LARP1: variants seen among roughly 807,000 people sequenced by gnomAD.
LARP1 encodes La ribonucleoprotein 1, translational regulator.
Under a neutral mutation model 122.7 loss-of-function variants are expected in LARP1, and 36 were observed. The ratio of observed to expected loss-of-function variants is 0.29; its 90% CI spans 0.22 to 0.39. The LOEUF (loss-of-function observed/expected upper bound fraction) is 0.39. Ranked by LOEUF, LARP1 falls within the 10% of genes least tolerant of loss-of-function variation. The pLI, the probability that LARP1 is intolerant of heterozygous loss-of-function variation, is 1.00. For missense variants in LARP1, 1,040 were observed against 1,403.6 expected (o/e 0.74, Z 4.14); for synonymous variants, 539 against 528.7 (o/e 1.02, Z -0.27).
intron 1 of LARP1, among the ~76,000 whole-genome samples, chr5:154,684,396 C>T (rs1753827957): frequency 6.6e-6 from 1 of 151,928 alleles, no homozygotes; most frequent in Non-Finnish European, 1.5e-5. Context: ...TGTTTGTGCC[C>T]CTATACTCTA....
chr5:154,706,298 TA>T (rs1306658173), intron 1 of LARP1, among the ~76,000 whole-genome samples: 32 of 18,520 alleles, frequency 1.7e-3, no homozygotes, highest in African/African-American at 2.6e-3. Context: ...TGTCTCAAAA[TA>T]ATAATAATAA....
At chr5:154,767,677 T>A (rs923582417) in intron 1 of LARP1, among the ~76,000 whole-genome samples, 7 of 152,258 alleles carry the variant, frequency 4.6e-5, no homozygotes, top group African/African-American at 1.7e-4. Flanking sequence ...CATGGCTTTC[T>A]GCAGCTTTGA....
chr5:154,773,511 A>G (rs1264191525), intron 1 of LARP1, among the ~76,000 whole-genome samples: 1 of 152,136 alleles, frequency 6.6e-6, no homozygotes, highest in East Asian at 1.9e-4. Context: ...AATCACATGC[A>G]CACATGTGTA....
intron 1 of LARP1, among the ~76,000 whole-genome samples, chr5:154,724,004 G>A (rs1055306121): frequency 3.9e-5 from 6 of 152,208 alleles, no homozygotes; most frequent in African/African-American, 1.4e-4. Flanking sequence ...GCCTTCATGG[G>A]TATAAGATCA....
In LARP1 at chr5:154,735,545, TTTTA is replaced by T. The variant is rs201042247; in HGVS notation, c.205+22447_205+22450del. ...ATGGTAGTTCCATTTTTATTTTTAT[TTTTA>T]TTTATTTATTTATTTATTTATTTAT... On this transcript the variant is annotated intron_variant, in intron 1 of 18. Transcript: ENST00000336314. 2.2e-3 allele frequency among the ~76,000 whole-genome samples: 315 copies of T among 143,920 alleles called. 6 individuals are homozygous for T. In the East Asian group the frequency reaches 0.042, roughly 19 times the overall value. 94.4% of individuals were successfully genotyped at this position (143,920 alleles called of 152,430 possible).
upstream of LARP1, among the ~76,000 whole-genome samples, chr5:154,711,221 A>G (rs1755203298): frequency 6.6e-6 from 1 of 151,124 alleles, no homozygotes; most frequent in Non-Finnish European, 1.5e-5. Flanking sequence ...GGCTCACTGC[A>G]ACCTCCAGCT....
At position 154,803,351 on chromosome 5, in the gene LARP1, C is replaced by T; in HGVS notation, c.2171C>T (p.Thr724Ile). ...MISREQFDTL[T>I]PEPPVDPNQE... is the part of the protein sequence containing the mutation. ...AGCCGGGAGCAGTTTGACACACTGA[C>T]CCCTGAGCCCCCTGTGGATCCCAAC... Residue 724 changes from threonine to isoleucine, a missense_variant, in exon 12 of 19, where the codon ACC (threonine) becomes ATC (isoleucine). This residue lies in a region of LARP1 where 362 missense variants were observed against 533.1 expected (regional missense o/e 0.68). Transcript: ENST00000518297. The surrounding 1 kb of genome is among the most constrained non-coding windows in gnomAD (Gnocchi z 4.4). The T allele has an allele frequency of 6.2e-7, 1 of 1,614,158 alleles. No individual in the cohort carries two copies.
intron 1 of LARP1, among the ~76,000 whole-genome samples, chr5:154,777,856 A>T (rs1450802551): frequency 2.0e-5 from 3 of 152,182 alleles, no homozygotes; most frequent in Non-Finnish European, 4.4e-5. Flanking sequence ...AAATATATAT[A>T]ATAAAGTGGC....
In LARP1 at chr5:154,745,147, C is replaced by T. The variant is rs926831912; in HGVS notation, c.205+32017C>T. ...TTCACCATGTTAGCCAGGATGGTCT[C>T]GATCTCTTGACCTCGTGATCCGCCC... On this transcript the variant is annotated intron_variant, in intron 1 of 18. Coordinates refer to the LARP1 transcript ENST00000336314. Among the ~76,000 whole-genome samples the T allele has an allele frequency of 2.8e-4, 43 of 151,292 alleles. 1 individual carries two copies. Among genetic ancestry groups the T allele is most frequent in the Admixed American group, 5.3e-4 (8 of 15,134 alleles).
At chr5:154,722,150 G>C (rs1755912567) in intron 1 of LARP1, among the ~76,000 whole-genome samples, 1 of 152,156 alleles carries the variant, frequency 6.6e-6, no homozygotes, top group African/African-American at 2.4e-5. Context: ...ACCCCTCACT[G>C]TGTGCAAGGC....
intron 14 of LARP1, chr5:154,805,173 A>C (rs770220645): frequency 1.5e-5 from 5 of 331,188 alleles, no homozygotes; most frequent in Non-Finnish European, 2.9e-5. Context: ...AGAGTGAGGT[A>C]CAGTTTACCT....
intron 1 of LARP1, among the ~76,000 whole-genome samples, chr5:154,687,123 C>A (rs1310177650): frequency 6.6e-6 from 1 of 152,128 alleles, no homozygotes; most frequent in African/African-American, 2.4e-5. Context: ...TTTCTGATTG[C>A]GGACACATAG....
At chr5:154,685,313 G>C (rs1284400310) in intron 1 of LARP1, among the ~76,000 whole-genome samples, 1 of 151,176 alleles carries the variant, frequency 6.6e-6, no homozygotes, top group Non-Finnish European at 1.5e-5. Flanking sequence ...TCACTGCCCA[G>C]CCTACCCCTT....
In LARP1 at chr5:154,799,775, C is replaced by T; in HGVS notation, c.1546+16C>T. 1 of 1,614,016 alleles carries T rather than the reference C, an allele frequency of 6.2e-7. No individual in the cohort carries two copies. The highest frequency in any genetic ancestry group is 8.5e-7 in the Non-Finnish European group (1 of 1,179,884). On this transcript the variant is annotated intron_variant, in intron 9 of 18. Transcript: ENST00000518297. ...AAGGAGACAGGTAGGTACCTGCTGG[C>T]ATGAAGATTGCCCTTGTCCTCTGGG...
intron 14 of LARP1, among the ~76,000 whole-genome samples, chr5:154,805,463 C>A (rs898297949): frequency 4.6e-5 from 7 of 151,284 alleles, no homozygotes; most frequent in Admixed American, 2.0e-4. Context: ...TGGAAGAAAT[C>A]TGCGTATAAG....
At chr5:154,723,658 A>G (rs891217390) in intron 1 of LARP1, among the ~76,000 whole-genome samples, 13 of 152,240 alleles carry the variant, frequency 8.5e-5, no homozygotes, top group African/African-American at 2.7e-4. Context: ...AAACAGTTCT[A>G]TAAAAGTAGG....
rs578119551 is a variant in LARP1, at chr5:154,745,941, A to G, written c.205+32811A>G. ...CTTCCGAGTACCTGGGATTACAGGT[A>G]CGCGCCACCACGCCCAGTTAACTTT... On this transcript the variant is annotated intron_variant, in intron 1 of 18. Transcript: ENST00000336314. Among the ~76,000 whole-genome samples the G allele has an allele frequency of 2.0e-5, 3 of 152,212 alleles. No homozygotes were observed. In the South Asian group the frequency reaches 6.2e-4, roughly 32 times the overall value.
chr5:154,764,747 A>G (rs1754782323), intron 1 of LARP1, among the ~76,000 whole-genome samples: 1 of 151,760 alleles, frequency 6.6e-6, no homozygotes, highest in Admixed American at 6.6e-5. Flanking sequence ...TCTACCAAAA[A>G]TACAAAAAGT....
At chr5:154,773,303 CAT>C (rs1755595883) in intron 1 of LARP1, among the ~76,000 whole-genome samples, 2 of 152,240 alleles carry the variant, frequency 1.3e-5, no homozygotes, top group Admixed American at 1.3e-4. Flanking sequence ...CATTTAGAAA[CAT>C]AGGCTTTCAA....
Sources: allele counts gnomAD v4.1 joint callset (sites outside exome capture counted in the v4.1 genomes callset), GRCh38; gene constraint gnomAD v4.1.1; regional missense constraint gnomAD v4.1.1; non-coding constraint Gnocchi (gnomAD v3.1); transcripts MANE v1.5; gene names NCBI Gene and HGNC (gene_info 2026-07-23, HGNC 2026-07-21).